Variants in RBFOX1 observed in about 807,000 individuals in gnomAD.
RBFOX1 encodes RNA binding fox-1 homolog 1.
A neutral mutation model predicts 57.7 loss-of-function variants in RBFOX1; 8 were observed. That is an observed-to-expected ratio of 0.14 (90% CI 0.08 to 0.25). The LOEUF is 0.25. Among genes scored for constraint, RBFOX1 ranks in the 10% least tolerant of loss-of-function variants. The probability of loss-of-function intolerance (pLI) is 1.00; values close to 1 mark genes in which losing one functional copy is unlikely to be tolerated. For missense variants in RBFOX1, 611 were observed against 548.5 expected (o/e 1.11, Z -1.14); for synonymous variants, 326 against 222.4 (o/e 1.47, Z -4.15).
rs528511669 is a variant in RBFOX1, at chr16:6,558,323, C to A, written c.-63-96280C>A. Reference sequence around the variant, plus strand: ...AAAGAGGCCTTACAGAGCATGTTGCCGCTGCTGCTGCTGCTCCTGGCACCC... The same window carrying A: ...AAAGAGGCCTTACAGAGCATGTTGCAGCTGCTGCTGCTGCTCCTGGCACCC... On this transcript the variant is annotated intron_variant, in intron 2 of 15. Coordinates refer to ENST00000550418, the MANE Select transcript of RBFOX1 (RefSeq NM_018723.4). Among the ~76,000 whole-genome samples, 23 of 152,150 alleles carry A rather than the reference C, an allele frequency of 1.5e-4. No homozygotes were observed. In the East Asian group the frequency reaches 3.3e-3, roughly 22 times the overall value.
At chr16:5,455,831 A>T (rs2068614824) in intron 1 of RBFOX1, among the ~76,000 whole-genome samples, 2 of 152,166 alleles carry the variant, frequency 1.3e-5, no homozygotes, top group Admixed American at 1.3e-4. Flanking sequence ...TTCGAGAAAT[A>T]AATTCTTGAA....
chr16:6,736,156 GTTTAT>G (rs897731290), intron 3 of RBFOX1, among the ~76,000 whole-genome samples: 11 of 151,990 alleles, frequency 7.2e-5, no homozygotes, highest in Non-Finnish European at 1.3e-4. Flanking sequence ...TGGAAAACCA[GTTTAT>G]TTTATTTTAT....
intron 2 of RBFOX1, among the ~76,000 whole-genome samples, chr16:6,563,835 AATAT>A (rs541520395): frequency 6.6e-6 from 1 of 151,206 alleles, no homozygotes; most frequent in Non-Finnish European, 1.5e-5. Context: ...CCAAAAAAAA[AATAT>A]ATATATATGT....
chr16:7,205,867 C>G (rs1405491941), intron 4 of RBFOX1, among the ~76,000 whole-genome samples: 1 of 152,236 alleles, frequency 6.6e-6, no homozygotes, highest in African/African-American at 2.4e-5. Flanking sequence ...TTGTGCTCTG[C>G]TTAACGCATC....
At chr16:6,805,320 C>A (rs1194744080) in intron 3 of RBFOX1, among the ~76,000 whole-genome samples, 2 of 152,112 alleles carry the variant, frequency 1.3e-5, no homozygotes, top group Non-Finnish European at 2.9e-5. Flanking sequence ...TTCTCACTTA[C>A]AAGTGGGAAT....
intron 4 of RBFOX1, among the ~76,000 whole-genome samples, chr16:7,178,984 G>A (rs1214063787): frequency 6.6e-6 from 1 of 152,158 alleles, no homozygotes; most frequent in African/African-American, 2.4e-5. Context: ...TTCGGTGGCA[G>A]TGCATATGGC....
intron 3 of RBFOX1, among the ~76,000 whole-genome samples, chr16:6,999,295 G>T (rs115224495): frequency 0.032 from 4,786 of 147,382 alleles, 276 homozygotes; most frequent in African/African-American, 0.11. Context: ...GGGTTCAAGC[G>T]GTCCACCTGC....
chr16:5,786,099 C>A (rs1282736886), intron 3 of RBFOX1, among the ~76,000 whole-genome samples: 1 of 152,166 alleles, frequency 6.6e-6, no homozygotes, highest in Non-Finnish European at 1.5e-5. Flanking sequence ...CCTTAAGATG[C>A]TTTGCAAGGC....
intron 4 of RBFOX1, among the ~76,000 whole-genome samples, chr16:6,002,509 C>A (rs2060619352): frequency 6.6e-6 from 1 of 152,098 alleles, no homozygotes; most frequent in Admixed American, 6.5e-5. Flanking sequence ...ATCTTCTTTG[C>A]CCATGAGTTT....
At chr16:5,577,268 C>T (rs1161297021) in intron 2 of RBFOX1, among the ~76,000 whole-genome samples, 1 of 152,198 alleles carries the variant, frequency 6.6e-6, no homozygotes, top group Non-Finnish European at 1.5e-5. Context: ...GTTGAGGCTC[C>T]TGTTCGTCTG....
rs7201748 is a variant in RBFOX1, at chr16:7,202,366, C to A, written c.27+150268C>A. ...GGATGTGGAAAAATTGGACCCATTACGCCCTGTGGGTAGGAAGGTAAAATA... is the reference window on the plus strand; with the variant it reads ...GGATGTGGAAAAATTGGACCCATTAAGCCCTGTGGGTAGGAAGGTAAAATA... On this transcript the variant is annotated intron_variant, in intron 4 of 15. Transcript: ENST00000550418. Among the ~76,000 whole-genome samples, 677 of 150,740 alleles carry A rather than the reference C, an allele frequency of 4.5e-3. 5 individuals carry two copies. The highest frequency in any genetic ancestry group is 5.8e-3 in the Non-Finnish European group (397 of 67,872).
chr16:6,721,995 G>C (rs777971970), intron 3 of RBFOX1: 5 of 152,734 alleles, frequency 3.3e-5, no homozygotes, highest in African/African-American at 1.2e-4. Flanking sequence ...ATTACAGCAT[G>C]TATCAAAATT....
intron 1 of RBFOX1, among the ~76,000 whole-genome samples, chr16:5,386,418 A>T (rs1011798795): frequency 6.6e-6 from 1 of 152,050 alleles, no homozygotes; most frequent in Admixed American, 6.5e-5. Flanking sequence ...CTCACTGCTG[A>T]GCCACGCAAG....
chr16:6,469,430 G>A (rs1004989600), intron 2 of RBFOX1, among the ~76,000 whole-genome samples: 1 of 152,082 alleles, frequency 6.6e-6, no homozygotes, highest in East Asian at 1.9e-4. Context: ...GTCTGAGCTG[G>A]ATTTCCTTCG....
intron 4 of RBFOX1, among the ~76,000 whole-genome samples, chr16:7,270,332 GA>G (rs2095287544): frequency 6.6e-6 from 1 of 152,184 alleles, no homozygotes; most frequent in African/African-American, 2.4e-5. Context: ...AAACCAAACA[GA>G]ATTACTTGTT....
intron 2 of RBFOX1, among the ~76,000 whole-genome samples, chr16:6,439,254 G>T (rs944473696): frequency 6.6e-6 from 1 of 152,200 alleles, no homozygotes; most frequent in African/African-American, 2.4e-5. Flanking sequence ...GGCCTCTGAT[G>T]AAAGATGCAA....
chr16:7,468,674 G>C (rs1399885819), intron 4 of RBFOX1, among the ~76,000 whole-genome samples: 3 of 152,124 alleles, frequency 2.0e-5, no homozygotes, highest in African/African-American at 7.2e-5. Context: ...GCATGCATAG[G>C]ATGCTTTAAA....
At chr16:6,432,748 G>A (rs1447293232) in intron 2 of RBFOX1, among the ~76,000 whole-genome samples, 1 of 152,030 alleles carries the variant, frequency 6.6e-6, no homozygotes, top group Non-Finnish European at 1.5e-5. Context: ...AGAAGGCAAA[G>A]GTGGGCAGGT....
At chr16:6,884,661 G>C (rs2063615193) in intron 3 of RBFOX1, among the ~76,000 whole-genome samples, 1 of 152,176 alleles carries the variant, frequency 6.6e-6, no homozygotes, top group South Asian at 2.1e-4. Context: ...CACTAGGGGA[G>C]GCTGAGGTGG....
Sources: allele counts gnomAD v4.1 joint callset (sites outside exome capture counted in the v4.1 genomes callset), GRCh38; gene constraint gnomAD v4.1.1; transcripts MANE v1.5; gene names NCBI Gene and HGNC (gene_info 2026-07-23, HGNC 2026-07-21).